The following NPAS3 variants were observed in gnomAD, a reference collection of about 807,000 sequenced individuals.
NPAS3 encodes neuronal PAS domain-containing protein 3.
A neutral mutation model predicts 73.1 loss-of-function variants in NPAS3; 14 were observed. The observed-to-expected ratio is 0.19, with a 90% CI of 0.13 to 0.30. The LOEUF is 0.30. Ranked by LOEUF, NPAS3 falls within the 10% of genes least tolerant of loss-of-function variation. The pLI is 1.00. For missense variants in NPAS3, 1,096 were observed against 1,250.0 expected (o/e 0.88, Z 1.86); for synonymous variants, 620 against 541.5 (o/e 1.14, Z -2.01).
chr14:33,086,094 C>A (rs1050655798), intron 2 of NPAS3, among the ~76,000 whole-genome samples: 7 of 152,152 alleles, frequency 4.6e-5, no homozygotes, highest in Non-Finnish European at 8.8e-5. Flanking sequence ...TAGATACTCA[C>A]ACAGGATTGG....
intron 2 of NPAS3, among the ~76,000 whole-genome samples, chr14:33,116,595 A>G (rs1280712684): frequency 6.6e-6 from 1 of 152,132 alleles, no homozygotes; most frequent in African/African-American, 2.4e-5. Context: ...AGCTTAACAC[A>G]AGAGTTTTTT....
chr14:33,093,083 C>T (rs927207197), intron 2 of NPAS3, among the ~76,000 whole-genome samples: 4 of 152,050 alleles, frequency 2.6e-5, no homozygotes, highest in South Asian at 2.1e-4. Context: ...TCTAAAACAC[C>T]AAAAGCAATG....
At chr14:33,555,896 C>CTG (rs60426737) in intron 4 of NPAS3, among the ~76,000 whole-genome samples, 1,949 of 151,310 alleles carry the variant, frequency 0.013, 31 homozygotes, top group African/African-American at 0.036. Context: ...GTTGGTGTGT[C>CTG]TGTGTGTGTG....
chr14:33,629,156 G>T (rs1424295818), intron 5 of NPAS3, among the ~76,000 whole-genome samples: 3 of 151,222 alleles, frequency 2.0e-5, no homozygotes, highest in Non-Finnish European at 4.4e-5. Flanking sequence ...AATGGCGTGA[G>T]CCCCGGAGGC....
chr14:33,144,807 T>C (rs1342340632), intron 2 of NPAS3, among the ~76,000 whole-genome samples: 1 of 152,194 alleles, frequency 6.6e-6, no homozygotes, highest in Non-Finnish European at 1.5e-5. Context: ...TTGCCCAGGC[T>C]GGTCTTGAAC....
At chr14:33,119,105 C>G (rs547829906) in intron 2 of NPAS3, among the ~76,000 whole-genome samples, 1 of 151,944 alleles carries the variant, frequency 6.6e-6, no homozygotes, top group Admixed American at 6.6e-5. Context: ...TACTATATAC[C>G]AGCAAAACTT....
chr14:33,059,403 G>C (rs948098419), intron 2 of NPAS3, among the ~76,000 whole-genome samples: 28 of 152,136 alleles, frequency 1.8e-4, no homozygotes, highest in Admixed American at 1.7e-3. Context: ...TCTAACTTCT[G>C]TTAAATGCTT....
chr14:33,002,450 A>C (rs1212254919), intron 1 of NPAS3, among the ~76,000 whole-genome samples: 1 of 152,136 alleles, frequency 6.6e-6, no homozygotes, highest in Non-Finnish European at 1.5e-5. Flanking sequence ...GGGAATTCTT[A>C]TGGTTGTTTG....
At chr14:33,588,454 CT>C (rs1466292701) in intron 5 of NPAS3, among the ~76,000 whole-genome samples, 1 of 152,210 alleles carries the variant, frequency 6.6e-6, no homozygotes, top group Non-Finnish European at 1.5e-5. Flanking sequence ...CCAAGTCCCC[CT>C]GACATAAGAA....
intron 5 of NPAS3, among the ~76,000 whole-genome samples, chr14:33,581,537 C>T (rs2056662159): frequency 6.6e-6 from 1 of 152,114 alleles, no homozygotes; most frequent in Non-Finnish European, 1.5e-5. Context: ...TTTGTGACCG[C>T]TTTGTAGCCC....
rs560577599 is a variant in NPAS3 at position 33,184,388 on chromosome 14, G to A, written c.141-30794G>A. Among the ~76,000 whole-genome samples the A allele has an allele frequency of 5.3e-5, 8 of 152,254 alleles. No homozygotes were observed. In the South Asian group the frequency reaches 8.3e-4, roughly 16 times the overall value. ...TGCCTGGAGTATCAGTTCAAGGAGC[G>A]TAATGGAGAAGGGAGCAGGAGCTGG... On this transcript the variant is annotated intron_variant, in intron 2 of 11. Transcript: ENST00000356141.
At chr14:33,098,990 C>T (rs2042503244) in intron 2 of NPAS3, among the ~76,000 whole-genome samples, 1 of 152,228 alleles carries the variant, frequency 6.6e-6, no homozygotes, top group African/African-American at 2.4e-5. Flanking sequence ...AGTAGCCAAT[C>T]CTTGTATCCG....
At chr14:33,433,183 G>A (rs1363716681) in intron 4 of NPAS3, among the ~76,000 whole-genome samples, 2 of 152,168 alleles carry the variant, frequency 1.3e-5, no homozygotes, top group East Asian at 1.9e-4. Context: ...CCCAAAAATC[G>A]TGGACCATGA....
At chr14:33,586,207 A>C (rs2056851635) in intron 5 of NPAS3, among the ~76,000 whole-genome samples, 1 of 128,790 alleles carries the variant, frequency 7.8e-6, no homozygotes, top group South Asian at 2.6e-4. Flanking sequence ...ATAAAACCAA[A>C]TAACAACAAT....
intron 1 of NPAS3, among the ~76,000 whole-genome samples, chr14:32,949,237 G>A (rs956286525): frequency 6.6e-6 from 1 of 151,866 alleles, no homozygotes; most frequent in Non-Finnish European, 1.5e-5. Flanking sequence ...TTACCAGAAG[G>A]TCATCTAACA....
intron 3 of NPAS3, among the ~76,000 whole-genome samples, chr14:33,272,283 C>G (rs904194411): frequency 1.3e-5 from 2 of 152,164 alleles, no homozygotes; most frequent in African/African-American, 4.8e-5. Context: ...TCACAGTACT[C>G]ATAATTATAG....
chr14:32,939,237 ACACCCCCGCC>A, upstream of NPAS3: 1 of 428,598 alleles, frequency 2.3e-6, no homozygotes, highest in Non-Finnish European at 4.5e-6. Context: ...ACGCACACGC[ACACCCCCGCC>A]CGCCCACGCC....
At chr14:32,944,102 C>A (rs1472903294) in intron 1 of NPAS3, among the ~76,000 whole-genome samples, 2 of 152,166 alleles carry the variant, frequency 1.3e-5, no homozygotes, top group African/African-American at 4.8e-5. Flanking sequence ...CCTAATGTAA[C>A]CTTAATCTGT....
intron 4 of NPAS3, among the ~76,000 whole-genome samples, chr14:33,450,441 T>C (rs2049738803): frequency 6.6e-6 from 1 of 152,238 alleles, no homozygotes; most frequent in South Asian, 2.1e-4. Context: ...AACAGCTCTT[T>C]GGTGTCTAGT....
Sources: allele counts gnomAD v4.1 joint callset (sites outside exome capture counted in the v4.1 genomes callset), GRCh38; gene constraint gnomAD v4.1.1; transcripts MANE v1.5; gene names NCBI Gene and HGNC (gene_info 2026-07-23, HGNC 2026-07-21).